Variants in SUMF1 observed in about 807,000 individuals in gnomAD.
The protein encoded by SUMF1 is formylglycine-generating enzyme.
SUMF1 carries 48 observed loss-of-function variants against 47.6 expected under a neutral mutation model. The ratio of observed to expected loss-of-function variants is 1.01; its 90% confidence interval spans 0.80 to 1.28. The LOEUF (loss-of-function observed/expected upper bound fraction) is 1.28. Ranked by LOEUF, SUMF1 falls within the 50% of genes most tolerant of loss-of-function variation. The pLI is 0.00. For synonymous variants in SUMF1, 230 were observed against 192.1 expected (o/e 1.20, Z -1.63); for missense variants, 571 against 485.4 (o/e 1.18, Z -1.66).
chr3:4,104,644 G>A (rs1049181464), intron 8 of SUMF1, among the ~76,000 whole-genome samples: 1 of 151,340 alleles, frequency 6.6e-6, no homozygotes, highest in Admixed American at 6.6e-5. Context: ...GGAGGATCTA[G>A]AGGATCCTAG....
At chr3:4,458,963 T>C (rs1377495482) in intron 1 of SUMF1, among the ~76,000 whole-genome samples, 3 of 152,182 alleles carry the variant, frequency 2.0e-5, no homozygotes, top group African/African-American at 7.2e-5. Flanking sequence ...AATGCCTTGA[T>C]GATCTCACTC....
intron 8 of SUMF1, among the ~76,000 whole-genome samples, chr3:4,238,096 C>T (rs553914583): frequency 6.6e-6 from 1 of 152,210 alleles, no homozygotes; most frequent in South Asian, 2.1e-4. Flanking sequence ...CATGTCCCTG[C>T]AAAGGACAGA....
chr3:4,259,187 G>A lies in SUMF1; in HGVS notation c.1014+117143C>T, dbSNP rs1032883071. 5.3e-5 allele frequency among the ~76,000 whole-genome samples: 8 copies of A among 151,356 alleles called. No individual in the cohort carries two copies. The East Asian group carries it at 9.7e-4, about 18-fold the overall frequency. The stretch of plus-strand genomic sequence containing the variant: ...TAGATGACGAGTTAGTGGGTGCAGC[G>A]CACCAGCATGGCACATGTATACATA... On this transcript the variant is annotated intron_variant and NMD_transcript_variant, in intron 8 of 12. Transcript: ENST00000448413.
intron 3 of SUMF1, among the ~76,000 whole-genome samples, chr3:4,420,355 C>G (rs146455102): frequency 4.2e-4 from 64 of 151,096 alleles, no homozygotes; most frequent in African/African-American, 1.4e-3. Flanking sequence ...AGCCTCACAG[C>G]AAACAAATAC....
intron 8 of SUMF1, among the ~76,000 whole-genome samples, chr3:4,218,148 G>C (rs1032162492): frequency 1.3e-5 from 2 of 151,784 alleles, no homozygotes; most frequent in Non-Finnish European, 2.9e-5. Context: ...ATCGGGTGAA[G>C]ACACTGGAAG....
chr3:4,182,067 C>T (rs1695108948), intron 8 of SUMF1, among the ~76,000 whole-genome samples: 1 of 152,148 alleles, frequency 6.6e-6, no homozygotes, highest in African/African-American at 2.4e-5. Context: ...ATTCTATTTA[C>T]ATTCTTGCCC....
chr3:4,450,644 A>G (rs1194867442), intron 2 of SUMF1, among the ~76,000 whole-genome samples: 1 of 152,206 alleles, frequency 6.6e-6, no homozygotes, highest in African/African-American at 2.4e-5. Flanking sequence ...GAGCACAGAA[A>G]AAAATCAAGC....
At chr3:4,174,573 G>C (rs1434839002) in intron 8 of SUMF1, among the ~76,000 whole-genome samples, 1 of 151,940 alleles carries the variant, frequency 6.6e-6, no homozygotes, top group African/African-American at 2.4e-5. Context: ...GGCGTTCCAA[G>C]ATGGCCGAAT....
At chr3:4,379,574 A>T (rs1042420656) in intron 7 of SUMF1, among the ~76,000 whole-genome samples, 2 of 152,220 alleles carry the variant, frequency 1.3e-5, no homozygotes, top group African/African-American at 2.4e-5. Flanking sequence ...CAAGACACTA[A>T]GAGTGGGAGG....
Position 4,202,686 on chromosome 3 carries a change from T to C in SUMF1, c.1015-133941A>G, listed in dbSNP as rs141486729. On this transcript the variant is annotated intron_variant and NMD_transcript_variant, in intron 8 of 12. Transcript: ENST00000448413. ...ATAGGGATTGCATTGAATCTGTAGA[T>C]TGCTTTGAATAGTATGGATGTTTTA... 5.8e-3 allele frequency among the ~76,000 whole-genome samples: 888 copies of C among 152,154 alleles called. 12 individuals carry two copies. Among genetic ancestry groups the C allele is most frequent in the African/African-American group, 0.02 (831 of 41,572 alleles).
chr3:4,307,723 A>G (rs1182487372), intron 8 of SUMF1, among the ~76,000 whole-genome samples: 1 of 152,204 alleles, frequency 6.6e-6, no homozygotes, highest in Non-Finnish European at 1.5e-5. Flanking sequence ...TAAAACTTAC[A>G]TTGTAACAAT....
chr3:4,163,654 G>C (rs1162670347), intron 8 of SUMF1, among the ~76,000 whole-genome samples: 1 of 151,400 alleles, frequency 6.6e-6, no homozygotes, highest in South Asian at 2.1e-4. Flanking sequence ...CCTATGAAAG[G>C]TAAGTGCCAT....
chr3:4,193,294 T>G (rs1323081124), intron 8 of SUMF1, among the ~76,000 whole-genome samples: 1 of 152,040 alleles, frequency 6.6e-6, no homozygotes, highest in Non-Finnish European at 1.5e-5. Flanking sequence ...TCACCCTTTG[T>G]GTCTCTTCAT....
intron 6 of SUMF1, among the ~76,000 whole-genome samples, chr3:4,414,252 G>C: frequency 6.6e-6 from 1 of 152,172 alleles, no homozygotes; most frequent in Non-Finnish European, 1.5e-5. Flanking sequence ...AATCACTTGA[G>C]CCCAGGAGGC....
At chr3:4,095,916 A>G (rs1692892802) in intron 8 of SUMF1, among the ~76,000 whole-genome samples, 1 of 152,162 alleles carries the variant, frequency 6.6e-6, no homozygotes, top group Admixed American at 6.5e-5. Context: ...CAGCCAATAC[A>G]GACACATTTT....
chr3:4,118,312 T>C (rs1262554714), intron 8 of SUMF1, among the ~76,000 whole-genome samples: 1 of 151,826 alleles, frequency 6.6e-6, no homozygotes, highest in African/African-American at 2.4e-5. Context: ...AAGATGTAAG[T>C]GTCATTATCC....
chr3:4,142,181 T>C (rs1380384824), intron 8 of SUMF1, among the ~76,000 whole-genome samples: 1 of 152,152 alleles, frequency 6.6e-6, no homozygotes, highest in Non-Finnish European at 1.5e-5. Context: ...CAAGGAATAG[T>C]TTGTCTGCTT....
At chr3:4,122,226 T>C (rs1431273077) in intron 8 of SUMF1, among the ~76,000 whole-genome samples, 1 of 152,088 alleles carries the variant, frequency 6.6e-6, no homozygotes, top group Non-Finnish European at 1.5e-5. Flanking sequence ...AACAGATAAA[T>C]AAACAATTAT....
At chr3:4,253,569 C>T (rs370911128) in intron 8 of SUMF1, among the ~76,000 whole-genome samples, 3 of 151,748 alleles carry the variant, frequency 2.0e-5, no homozygotes, top group Admixed American at 6.6e-5. Flanking sequence ...TAAAAAACGG[C>T]GCACCATGAG....
Sources: gnomAD v4.1 joint callset for allele counts (sites outside exome capture counted in the v4.1 genomes callset) on GRCh38, gnomAD v4.1.1 for gene constraint, MANE v1.5 for transcripts, NCBI Gene and HGNC (gene_info 2026-07-23, HGNC 2026-07-21) for gene names.